Variants in CA10 observed in about 807,000 individuals in gnomAD.
CA10 encodes carbonic anhydrase-related protein 10.
Under a neutral mutation model 44.2 loss-of-function variants are expected in CA10, and 14 were observed. The ratio of observed to expected loss-of-function variants is 0.32; its 90% confidence interval spans 0.21 to 0.50. CA10 has a LOEUF of 0.50. Among genes scored for constraint, CA10 ranks in the 20% least tolerant of loss-of-function variants. The pLI is 0.99. For missense variants in CA10, 350 were observed against 409.7 expected (o/e 0.85, Z 1.26); for synonymous variants, 159 against 141.6 (o/e 1.12, Z -0.87).
chr17:51,778,557 C>T (rs1905920180), intron 3 of CA10, among the ~76,000 whole-genome samples: 1 of 152,208 alleles, frequency 6.6e-6, no homozygotes, highest in Admixed American at 6.5e-5. Context: ...GATGGGATTG[C>T]AGAAAACACA....
At chr17:51,848,212 T>C (rs867755836) in intron 3 of CA10, among the ~76,000 whole-genome samples, 1 of 152,248 alleles carries the variant, frequency 6.6e-6, no homozygotes, top group African/African-American at 2.4e-5. Context: ...ATGCATCTCA[T>C]TGACTTATCC....
chr17:51,645,486 A>G (rs1913291122), intron 6 of CA10, among the ~76,000 whole-genome samples: 1 of 152,166 alleles, frequency 6.6e-6, no homozygotes, highest in African/African-American at 2.4e-5. Flanking sequence ...CAGGAGTTGG[A>G]GAGAGCTTAG....
At chr17:51,714,254 C>T (rs552450702) in intron 4 of CA10, among the ~76,000 whole-genome samples, 1 of 152,278 alleles carries the variant, frequency 6.6e-6, no homozygotes, top group Admixed American at 6.5e-5. Context: ...GGGGAACAAG[C>T]ATAGATTTTG....
intron 6 of CA10, among the ~76,000 whole-genome samples, chr17:51,642,297 G>T (rs1913121668): frequency 6.6e-6 from 1 of 152,134 alleles, no homozygotes; most frequent in African/African-American, 2.4e-5. Context: ...ATAGAGAAAG[G>T]CACCAGGAGC....
intron 2 of CA10, among the ~76,000 whole-genome samples, chr17:52,069,079 A>C (rs1459858506): frequency 6.6e-6 from 1 of 152,180 alleles, no homozygotes; most frequent in African/African-American, 2.4e-5. Flanking sequence ...TTTTCTCTTA[A>C]GGCCTTCAAC....
chr17:51,928,180 A>G (rs1405390430), intron 3 of CA10, among the ~76,000 whole-genome samples: 2 of 152,198 alleles, frequency 1.3e-5, no homozygotes, highest in Non-Finnish European at 2.9e-5. Context: ...TTTCATATAC[A>G]TTATGTCTTA....
intron 3 of CA10, among the ~76,000 whole-genome samples, chr17:51,786,068 G>T (rs981690729): frequency 9.2e-5 from 14 of 152,020 alleles, no homozygotes; most frequent in Non-Finnish European, 1.6e-4. Context: ...AATTTTATTT[G>T]TGGCTATTGT....
intron 3 of CA10, among the ~76,000 whole-genome samples, chr17:51,857,072 C>T (rs1326103844): frequency 6.6e-6 from 1 of 152,152 alleles, no homozygotes; most frequent in African/African-American, 2.4e-5. Flanking sequence ...AGTGATACCA[C>T]AATTACATAA....
intron 1 of CA10, among the ~76,000 whole-genome samples, chr17:52,154,735 A>C (rs139997142): frequency 2.1e-4 from 32 of 152,330 alleles, no homozygotes; most frequent in African/African-American, 7.0e-4. Flanking sequence ...CCTTTAGCCT[A>C]GCTATGTTGC....
At chr17:51,779,033 C>G (rs1360221278) in intron 3 of CA10, among the ~76,000 whole-genome samples, 2 of 152,124 alleles carry the variant, frequency 1.3e-5, no homozygotes, top group Non-Finnish European at 2.9e-5. Flanking sequence ...GCAGGAAGTA[C>G]AGAGCCTGGG....
upstream of CA10, chr17:52,159,182 T>A (rs1989889070): frequency 6.6e-6 from 1 of 152,010 alleles, no homozygotes; most frequent in East Asian, 1.9e-4. Context: ...GAGATTTTTT[T>A]GCATAATTCA....
At chr17:51,701,095 A>T (rs1017032011) in intron 4 of CA10, among the ~76,000 whole-genome samples, 4 of 151,230 alleles carry the variant, frequency 2.6e-5, no homozygotes, top group African/African-American at 7.3e-5. Flanking sequence ...TAAAAAAACA[A>T]TTTTTTTTTC....
intron 3 of CA10, among the ~76,000 whole-genome samples, chr17:51,885,434 A>C (rs1192940285): frequency 6.6e-6 from 1 of 152,130 alleles, no homozygotes; most frequent in Non-Finnish European, 1.5e-5. Flanking sequence ...TCTTACTCAA[A>C]CACGTTCACA....
At position 52,053,576 on chromosome 17, in the gene CA10, G is replaced by A. The variant is rs993861199; in HGVS notation, c.136+18743C>T. ...AATTTAAGAAGGTAACAGAAGTCCT[G>A]TACAAAAGAATGGACATTGCTGAAA... On this transcript the variant is annotated intron_variant, in intron 2 of 8. Coordinates refer to ENST00000451037, the MANE Select transcript of CA10 (RefSeq NM_020178.5). Among the ~76,000 whole-genome samples the A allele has an allele frequency of 7.2e-5, 11 of 152,036 alleles. 1 individual carries two copies. The highest frequency in any genetic ancestry group is 2.7e-4 in the African/African-American group (11 of 41,420).
At chr17:51,865,937 C>T (rs370281073) in intron 3 of CA10, among the ~76,000 whole-genome samples, 1 of 152,200 alleles carries the variant, frequency 6.6e-6, no homozygotes, top group Non-Finnish European at 1.5e-5. Flanking sequence ...CACCCCTTTG[C>T]ACCATTCAAA....
intron 4 of CA10, among the ~76,000 whole-genome samples, chr17:51,741,331 G>A (rs1343049959): frequency 6.6e-6 from 1 of 152,168 alleles, no homozygotes; most frequent in Non-Finnish European, 1.5e-5. Flanking sequence ...TAGGTGGGGT[G>A]CCTTCTAAAT....
chr17:51,679,277 T>TTG (rs756071314), intron 4 of CA10, among the ~76,000 whole-genome samples: 39 of 149,646 alleles, frequency 2.6e-4, no homozygotes, highest in South Asian at 6.4e-4. Flanking sequence ...TTTTTTTTTT[T>TTG]GGGATGGAGT....
At chr17:51,707,666 TGA>T (rs1915802040) in intron 4 of CA10, among the ~76,000 whole-genome samples, 3 of 138,836 alleles carry the variant, frequency 2.2e-5, no homozygotes, top group African/African-American at 8.0e-5. Flanking sequence ...GGAAAGTGGA[TGA>T]ATATGTGTGT....
chr17:51,641,154 CT>C (rs375895541), intron 6 of CA10, among the ~76,000 whole-genome samples: 98,298 of 148,034 alleles, frequency 0.66, 33,144 homozygotes, highest in South Asian at 0.76. Flanking sequence ...TCTCTCAGCT[CT>C]CTCTCTCTCT....
Sources: gnomAD v4.1 joint callset for allele counts (sites outside exome capture counted in the v4.1 genomes callset) on GRCh38, gnomAD v4.1.1 for gene constraint, MANE v1.5 for transcripts, NCBI Gene and HGNC (gene_info 2026-07-23, HGNC 2026-07-21) for gene names.